Variants in SLC38A9 observed in about 807,000 individuals in gnomAD.
The protein encoded by SLC38A9 is solute carrier family 38 member 9.
Under a neutral mutation model 62.3 loss-of-function variants are expected in SLC38A9, and 48 were observed. That is an observed-to-expected ratio of 0.77 (90% confidence interval 0.61 to 0.98). SLC38A9 has a LOEUF of 0.98. Ranked by LOEUF, SLC38A9 falls within the 50% of genes least tolerant of loss-of-function variation. SLC38A9 has a pLI of 0.00. For missense variants in SLC38A9, 541 were observed against 679.8 expected, an observed-to-expected ratio of 0.80 and a Z score of 2.27; for synonymous variants, 204 against 227.7, an observed-to-expected ratio of 0.90 and a Z score of 0.94.
chr5:55,640,403 T>C (rs1041881528), intron 12 of SLC38A9, among the ~76,000 whole-genome samples: 3 of 152,230 alleles, frequency 2.0e-5, no homozygotes, highest in African/African-American at 7.2e-5. Flanking sequence ...CTAGTCCTAA[T>C]ACTAAGTGGA....
intron 2 of SLC38A9, chr5:55,704,264 T>G (rs556914195): frequency 2.6e-5 from 4 of 152,274 alleles, no homozygotes; most frequent in African/African-American, 9.6e-5. Context: ...AATAAACATA[T>G]TGTAGAGAAG....
chr5:55,652,824 A>C (rs945382884), intron 9 of SLC38A9, 101 bp from the exon 10 acceptor site: 1 of 875,188 alleles, frequency 1.1e-6, no homozygotes, highest in Non-Finnish European at 1.7e-6. Flanking sequence ...CACTTGCTCT[A>C]CCAACCTCAA....
At chr5:55,628,152 G>C (rs866283019) in intron 14 of SLC38A9, among the ~76,000 whole-genome samples, 172 bp from the exon 15 acceptor site, 1 of 152,112 alleles carries the variant, frequency 6.6e-6, no homozygotes, top group Non-Finnish European at 1.5e-5. Flanking sequence ...TTGTGGTAAC[G>C]AGAAAGTGAA....
At chr5:55,650,365 T>C (rs1580163450) in intron 10 of SLC38A9, among the ~76,000 whole-genome samples, 3 of 152,294 alleles carry the variant, frequency 2.0e-5, no homozygotes, top group Non-Finnish European at 4.4e-5. Context: ...AATGAAGCTA[T>C]GGTTTTAAGA....
chr5:55,707,571 ACT>A (rs1169023400), intron 2 of SLC38A9, among the ~76,000 whole-genome samples: 2 of 152,188 alleles, frequency 1.3e-5, no homozygotes, highest in Admixed American at 1.3e-4. Flanking sequence ...GCAGAGCAAG[ACT>A]CTGTCTCAAA....
At chr5:55,659,251 A>C (rs1749015937) in intron 8 of SLC38A9, among the ~76,000 whole-genome samples, 1 of 150,888 alleles carries the variant, frequency 6.6e-6, no homozygotes, top group Non-Finnish European at 1.5e-5. Context: ...CATTAAAAAA[A>C]AAACCATCAA....
In SLC38A9 at chr5:55,669,319, A is replaced by C. The variant is rs1270155562; in HGVS notation, c.435T>G (p.Ala145=). The change falls in exon 7 of 16, where the codon GCT becomes GCG. Residue 145 remains alanine (A), a splice_region_variant and synonymous_variant. Transcript: ENST00000396865. ...ILSIPWGIKQ[A]GFTTGMCVII... ...TGACACACATTCCAGTAGTAAATCC[A>C]GCCTGTTTAAAAATAAAAGTATAAA... is the stretch of plus-strand genomic sequence containing the variant. 3 of 1,609,166 alleles carry C rather than the reference A, an allele frequency of 1.9e-6. No individual in the cohort carries two copies. Among genetic ancestry groups the C allele is most frequent in the Non-Finnish European group, 2.5e-6 (3 of 1,178,150 alleles).
chr5:55,682,123 G>A (rs1753112242), intron 3 of SLC38A9, among the ~76,000 whole-genome samples: 1 of 151,688 alleles, frequency 6.6e-6, no homozygotes, highest in Non-Finnish European at 1.5e-5. Context: ...GCCCTTAACA[G>A]ATCCATGCCA....
Position 55,664,720 on chromosome 5 carries a change from G to T in SLC38A9, c.670C>A (p.Leu224Ile). ...IVYWVLMSNF[L>I]FNTGKFIFNF... ...AAAATAAACTTTCCAGTATTAAAAA[G>T]AAAATTTGACATAAGCACCCAATAA... The change falls in exon 8 of 16, where the codon CTT (leucine) becomes ATT (isoleucine). Residue 224 changes from leucine (L) to isoleucine (I), a missense_variant. Leu to Ile is a conservative substitution (Grantham distance 5). Coordinates refer to ENST00000396865, the MANE Select transcript of SLC38A9 (RefSeq NM_173514.4). 1 of 1,558,150 alleles carries T rather than the reference G, an allele frequency of 6.4e-7. No individual in the cohort carries two copies. Among genetic ancestry groups the T allele is most frequent in the Non-Finnish European group, 8.6e-7 (1 of 1,160,298 alleles).
chr5:55,663,296 C>CAAA lies in SLC38A9; in HGVS notation c.697+1394_697+1396dup, dbSNP rs555065009. Among the ~76,000 whole-genome samples the CAAA allele has an allele frequency of 1.5e-4, 14 of 93,118 alleles. 1 individual carries two copies. Among genetic ancestry groups the CAAA allele is most frequent in the Admixed American group, 4.3e-4 (3 of 6,950 alleles). 61.1% of individuals were successfully genotyped at this position (93,118 alleles called of 152,430 possible). A position where few individuals can be genotyped will look rare whatever the true frequency, so the allele number is the denominator to read the frequency against. On this transcript the variant is annotated intron_variant, in intron 8 of 15. Coordinates refer to ENST00000396865, the MANE Select transcript of SLC38A9 (RefSeq NM_173514.4). ...GCAACATACTGATACTCTGTCTCTA[C>CAAA]AAAAAAAAAAAAAAAAAAAAAAAAA...
At chr5:55,704,475 G>A (rs898493538) in intron 2 of SLC38A9, 1 of 152,168 alleles carries the variant, frequency 6.6e-6, no homozygotes, top group African/African-American at 2.4e-5. Context: ...AAGTTAGTAA[G>A]TACAAGCATT....
chr5:55,698,068 A>G (rs1756163038), intron 2 of SLC38A9, 76 bp from the exon 3 acceptor site: 1 of 581,114 alleles, frequency 1.7e-6, no homozygotes, highest in African/African-American at 2.0e-5. Flanking sequence ...ATTCATGAAT[A>G]ACAAATTGGA....
chr5:55,658,064 C>T (rs1294770924), intron 8 of SLC38A9: 2 of 152,122 alleles, frequency 1.3e-5, no homozygotes, highest in African/African-American at 4.8e-5. Flanking sequence ...CAGAATGTGA[C>T]CTTATTTAAA....
intron 2 of SLC38A9, among the ~76,000 whole-genome samples, chr5:55,705,374 T>C (rs1019943538): frequency 1.3e-5 from 2 of 151,098 alleles, no homozygotes; most frequent in African/African-American, 4.9e-5. Flanking sequence ...CCTAATGTTT[T>C]ACATGTTATT....
chr5:55,643,115 T>C lies in SLC38A9; in HGVS notation c.1167+2674A>G, dbSNP rs1489043530. ...ACAAGCCAACAAGTAACTGGTTAAC[T>C]TTTGTTTGCCTTGGGTTTAGTTTGC... is the stretch of plus-strand genomic sequence containing the variant. On this transcript the variant is annotated intron_variant, in intron 12 of 15. Transcript: ENST00000396865. Among the ~76,000 whole-genome samples the C allele has an allele frequency of 2.0e-5, 3 of 152,212 alleles. No homozygotes were observed. In the East Asian group the frequency reaches 5.8e-4, roughly 29 times the overall value.
rs753921229 is a variant in SLC38A9, at chr5:55,645,807, G to C, written c.1149C>G (p.Asn383Lys). The change falls in exon 12 of 16, where the codon AAC becomes AAG. Residue 383 changes from asparagine (N) to lysine (K), a missense_variant. Coordinates refer to ENST00000396865, the MANE Select transcript of SLC38A9 (RefSeq NM_173514.4). ...HNCIITLLKN[N>K]KKQENNVRDL... ...TACTCACATTGTTTTCTTGTTTCTT[G>C]TTGTTCTTCAAGAGTGTGATGATAC... The C allele has an allele frequency of 5.0e-6, 8 of 1,606,150 alleles. No homozygotes were observed. The highest frequency in any genetic ancestry group is 6.0e-6 in the Non-Finnish European group (7 of 1,175,352).
At chr5:55,710,067 C>CAAAAAAAAAAAA (rs1174162436) in intron 2 of SLC38A9, among the ~76,000 whole-genome samples, 81 of 19,418 alleles carry the variant, frequency 4.2e-3, no homozygotes, top group Non-Finnish European at 6.0e-3. Context: ...GACTCCATCT[C>CAAAAAAAAAAAA]AAAAAAAAAA....
chr5:55,630,860 G>A (rs552674473), intron 14 of SLC38A9, among the ~76,000 whole-genome samples: 2 of 152,122 alleles, frequency 1.3e-5, no homozygotes, highest in African/African-American at 4.8e-5. Context: ...TGCTGGGCAC[G>A]GTGGCTCATG....
chr5:55,675,317 C>A (rs991804665), intron 3 of SLC38A9: 6 of 152,082 alleles, frequency 3.9e-5, no homozygotes, highest in Non-Finnish European at 1.5e-5. Context: ...CAGTTTTCAT[C>A]GAGATGCTGA....
Sources: gnomAD v4.1 joint callset for allele counts (sites outside exome capture counted in the v4.1 genomes callset) on GRCh38, gnomAD v4.1.1 for gene constraint, MANE v1.5 for transcripts, NCBI Gene and HGNC (gene_info 2026-07-23, HGNC 2026-07-21) for gene names.